Variants in FBXO44 observed in about 807,000 individuals in gnomAD.
FBXO44 encodes the protein F-box only protein 44.
Under a neutral mutation model 33.5 loss-of-function variants are expected in FBXO44, and 25 were observed. The ratio of observed to expected loss-of-function variants is 0.75; its 90% CI spans 0.54 to 1.04. The LOEUF is 1.04. FBXO44 is among the 50% of genes least tolerant of loss of function. FBXO44 has a pLI of 0.00. For synonymous variants in FBXO44, 147 were observed against 152.8 expected (o/e 0.96, Z 0.28); for missense variants, 311 against 344.0 (o/e 0.90, Z 0.76).
upstream of FBXO44, chr1:11,654,792 G>C (rs1231070693): frequency 6.6e-6 from 1 of 151,100 alleles, no homozygotes; most frequent in Non-Finnish European, 1.5e-5. Context: ...CCTACGACGC[G>C]GTGGGGGTGC....
intron 2 of FBXO44, among the ~76,000 whole-genome samples, chr1:11,657,883 C>G (rs1212366142): frequency 6.6e-6 from 1 of 152,136 alleles, no homozygotes; most frequent in Non-Finnish European, 1.5e-5. Flanking sequence ...GCTTCTCAGC[C>G]CCTATTCTTA....
Position 11,656,103 on chromosome 1 carries a change from G to A in FBXO44, c.265+3G>A, listed in dbSNP as rs1437888197. 3 of 1,613,030 alleles carry A rather than the reference G, an allele frequency of 1.9e-6. No individual in the cohort carries two copies. Among genetic ancestry groups the A allele is most frequent in the African/African-American group, 2.7e-5 (2 of 74,896 alleles). On this transcript the variant is annotated splice_donor_region_variant and intron_variant, in intron 2 of 5. Coordinates refer to ENST00000251547, the MANE Select transcript of FBXO44 (RefSeq NM_033182.7). ...CCTGCACAACCCGTGCGCTGAAGGTGGGGTACAGGCCGGGTCTGGCATGCC... is the reference window on the plus strand; with the variant it reads ...CCTGCACAACCCGTGCGCTGAAGGTAGGGTACAGGCCGGGTCTGGCATGCC...
chr1:11,658,332 C>A lies in FBXO44; in HGVS notation c.331C>A (p.Arg111=). 6.2e-7 allele frequency: 1 copy of A among 1,613,248 alleles called. No individual in the cohort carries two copies. Among genetic ancestry groups the A allele is most frequent in the South Asian group, 1.1e-5 (1 of 90,988 alleles). ...TGAGTGGAAGGTGGAGGATCTCTCT[C>A]GAGACCAGAGGAAGGAATTCCCCAA... The part of the protein sequence containing the change: ...GDEWKVEDLS[R]DQRKEFPNDQ... Residue 111 remains arginine (R), a synonymous_variant, in exon 3 of 6, where the codon CGA becomes AGA. Coordinates refer to ENST00000251547, the MANE Select transcript of FBXO44 (RefSeq NM_033182.7).
rs1325195066 is a variant in FBXO44 at position 11,658,853 on chromosome 1, C to T, written c.606C>T (p.Ser202=). ...ACCCGGCGACCATCCAGCAGAAGAG[C>T]GATGCCAAGTGGAGGGAGGTGCGTG... is the stretch of plus-strand genomic sequence containing the variant. The part of the protein sequence containing the change: ...QPDPATIQQK[S]DAKWREVSHT... The change falls in exon 5 of 6, where the codon AGC becomes AGT. Residue 202 remains serine, a synonymous_variant. Transcript: ENST00000251547. 5.6e-6 allele frequency: 9 copies of T among 1,608,952 alleles called. No individual in the cohort carries two copies. Among genetic ancestry groups the T allele is most frequent in the African/African-American group, 2.7e-5 (2 of 74,944 alleles).
Position 11,655,792 on chromosome 1 carries a change from T to C in FBXO44, c.-30-14T>C. ...CAGAGCAGGGATGAGGCCTGCAGCA[T>C]AGCTTTTCAACAGCTACAGGAGGGT... On this transcript the variant is annotated splice_polypyrimidine_tract_variant and intron_variant, in intron 1 of 5. Transcript: ENST00000251547. 2 of 1,604,076 alleles carry C rather than the reference T, an allele frequency of 1.2e-6. No homozygotes were observed. The highest frequency in any genetic ancestry group is 1.1e-5 in the South Asian group (1 of 90,918).
intron 2 of FBXO44, among the ~76,000 whole-genome samples, chr1:11,657,303 C>T (rs1639875629): frequency 6.6e-6 from 1 of 152,136 alleles, no homozygotes; most frequent in South Asian, 2.1e-4. Context: ...CTTCCCAGCC[C>T]CTATTCTTAA....
At chr1:11,657,492 C>A (rs1639884097) in intron 2 of FBXO44, among the ~76,000 whole-genome samples, 1 of 152,176 alleles carries the variant, frequency 6.6e-6, no homozygotes, top group Non-Finnish European at 1.5e-5. Context: ...GTAATCCCAG[C>A]ACTTTGGGAG....
At chr1:11,660,194 G>A (rs916399649) in intron 5 of FBXO44, among the ~76,000 whole-genome samples, 4 of 151,854 alleles carry the variant, frequency 2.6e-5, no homozygotes, top group African/African-American at 4.8e-5. Context: ...ACGGAGTCTC[G>A]CTCTGTCACC....
chr1:11,655,763 A>C, intron 1 of FBXO44, 43 bp from the exon 2 acceptor site: 1 of 1,574,170 alleles, frequency 6.4e-7, no homozygotes, highest in Non-Finnish European at 8.7e-7. Context: ...CCCGAGATAA[A>C]TGGCAGAGCA....
At chr1:11,654,682 C>T (rs1015548459), upstream of FBXO44, 9 of 255,972 alleles carry the variant, frequency 3.5e-5, no homozygotes, top group Non-Finnish European at 5.9e-5. Context: ...AGGGGAGGCA[C>T]GGAGAGGCTG....
chr1:11,659,085 C>G (rs1640020077), intron 5 of FBXO44, among the ~76,000 whole-genome samples: 1 of 152,196 alleles, frequency 6.6e-6, no homozygotes, highest in South Asian at 2.1e-4. Context: ...AAGCCAGGGC[C>G]AAAAAATATT....
chr1:11,661,166 C>T lies in FBXO44; in HGVS notation c.661C>T (p.Arg221Cys), dbSNP rs148586376. The T allele has an allele frequency of 9.3e-6, 15 of 1,613,788 alleles. No homozygotes were observed. The highest frequency in any genetic ancestry group is 8.0e-5 in the African/African-American group (6 of 74,918). Residue 221 changes from arginine (R) to cysteine (C), a missense_variant, in exon 6 of 6, where the codon CGC becomes TGC. Physicochemically the swap from Arg to Cys is radical, Grantham distance 180 (BLOSUM62 -3). Transcript: ENST00000251547. The surrounding 1 kb of genome is among the most constrained non-coding windows in gnomAD (Gnocchi z 4.4). ...ATTCTCCAACTACCCGCCCGGCGTCCGCTACATCTGGTTTCAGCACGGCGG... is the reference window on the plus strand; with the variant it reads ...ATTCTCCAACTACCCGCCCGGCGTCTGCTACATCTGGTTTCAGCACGGCGG... The part of the protein sequence containing the change: ...HTFSNYPPGV[R>C]YIWFQHGGVD...
chr1:11,657,947 A>G (rs1639919832), intron 2 of FBXO44, among the ~76,000 whole-genome samples: 1 of 151,880 alleles, frequency 6.6e-6, no homozygotes, highest in Admixed American at 6.5e-5. Flanking sequence ...CAACTGGTCC[A>G]AGGTCAGACA....
At chr1:11,660,780 A>G (rs1023367327) in intron 5 of FBXO44, among the ~76,000 whole-genome samples, 2 of 151,694 alleles carry the variant, frequency 1.3e-5, no homozygotes, top group African/African-American at 4.8e-5. Context: ...GTTAAGGCTC[A>G]TCTTTTATTT....
rs1439121742 is a variant in FBXO44 at position 11,655,511 on chromosome 1, C to A, written c.-30-295C>A. ...GCATTATATCCCCATTAAAGACTGGCCTACTGAAAAAGGCTGGCCCTGGAA... is the reference window on the plus strand; with the variant it reads ...GCATTATATCCCCATTAAAGACTGGACTACTGAAAAAGGCTGGCCCTGGAA... On this transcript the variant is annotated intron_variant, in intron 1 of 5. Transcript: ENST00000251547. 1.3e-5 allele frequency: 5 copies of A among 394,556 alleles called. No homozygotes were observed. In the Admixed American group the frequency reaches 1.6e-4, roughly 12 times the overall value. The allele number at this position is 394,556 out of a possible 1,614,324, so 24.4% of individuals were successfully genotyped here.
chr1:11,660,319 G>A (rs1464363234), intron 5 of FBXO44, among the ~76,000 whole-genome samples: 1 of 151,998 alleles, frequency 6.6e-6, no homozygotes, highest in Non-Finnish European at 1.5e-5. Context: ...GCGCCACCAC[G>A]CCAGCTAATT....
At chr1:11,658,675 G>GC in intron 4 of FBXO44, 47 bp downstream of exon 4, 3 of 1,594,526 alleles carry the variant, frequency 1.9e-6, no homozygotes, top group Non-Finnish European at 2.6e-6. Context: ...CCAATCAGGC[G>GC]CCCCACCCCC....
At chr1:11,656,308 ACT>A (rs1409603476) in intron 2 of FBXO44, among the ~76,000 whole-genome samples, 4 of 118,778 alleles carry the variant, frequency 3.4e-5, no homozygotes, top group South Asian at 2.6e-4. Context: ...TTCTTACTAT[ACT>A]CTTTTTTTTT....
At chr1:11,660,018 A>G (rs1412944279) in intron 5 of FBXO44, among the ~76,000 whole-genome samples, 1 of 152,280 alleles carries the variant, frequency 6.6e-6, no homozygotes, top group Non-Finnish European at 1.5e-5. Flanking sequence ...CCTGTCCAAT[A>G]GAACTTTCTG....
Sources: gnomAD v4.1 joint callset for allele counts (sites outside exome capture counted in the v4.1 genomes callset) on GRCh38, gnomAD v4.1.1 for gene constraint, Gnocchi (gnomAD v3.1) non-coding constraint, MANE v1.5 for transcripts, NCBI Gene and HGNC (gene_info 2026-07-23, HGNC 2026-07-21) for gene names.